The following PALM2AKAP2 variants were observed in gnomAD, a reference collection of about 807,000 sequenced individuals.
PALM2AKAP2 encodes PALM2 and AKAP2 fusion.
Under a neutral mutation model 71.5 loss-of-function variants are expected in PALM2AKAP2, and 37 were observed. The ratio of observed to expected loss-of-function variants is 0.52; its 90% CI spans 0.40 to 0.68. The LOEUF is 0.68. PALM2AKAP2 is among the 30% of genes least tolerant of loss of function. The pLI, the probability that PALM2AKAP2 is intolerant of heterozygous loss-of-function variation, is 0.00. For synonymous variants in PALM2AKAP2, 468 were observed against 478.8 expected (o/e 0.98, Z 0.29); for missense variants, 1,224 against 1,191.8 (o/e 1.03, Z -0.40).
At chr9:110,028,614 T>G (rs1275325984) in intron 7 of PALM2AKAP2, among the ~76,000 whole-genome samples, 1 of 152,200 alleles carries the variant, frequency 6.6e-6, no homozygotes, top group Non-Finnish European at 1.5e-5. Flanking sequence ...GGAAGGACAC[T>G]TTGTAGCCTC....
At chr9:109,767,213 T>C (rs1448135637) in intron 1 of PALM2AKAP2, among the ~76,000 whole-genome samples, 1 of 152,170 alleles carries the variant, frequency 6.6e-6, no homozygotes, top group Non-Finnish European at 1.5e-5. Context: ...TGGCCCCTCC[T>C]CAGCTGACTT....
intron 1 of PALM2AKAP2, among the ~76,000 whole-genome samples, chr9:110,116,458 G>C (rs531168872): frequency 1.3e-5 from 2 of 152,108 alleles, no homozygotes; most frequent in Non-Finnish European, 2.9e-5. Flanking sequence ...TTACTAGATT[G>C]ACTCTCCTGT....
intron 7 of PALM2AKAP2, among the ~76,000 whole-genome samples, chr9:110,039,059 T>G (rs945057982): frequency 4.6e-5 from 7 of 151,740 alleles, no homozygotes; most frequent in African/African-American, 1.7e-4. Context: ...GACCAGCCTG[T>G]GCAACATGGG....
chr9:109,923,889 G>A (rs1830892592), intron 4 of PALM2AKAP2, 40 bp downstream of exon 4: 11 of 1,516,136 alleles, frequency 7.3e-6, no homozygotes, highest in Non-Finnish European at 9.7e-6. Context: ...TTATTTCCAT[G>A]GGGAAGTAGG....
rs375770070 is a variant in PALM2AKAP2, at chr9:109,789,051, C to T, written c.45+8518C>T. On this transcript the variant is annotated intron_variant, in intron 1 of 9. Coordinates refer to the PALM2AKAP2 transcript ENST00000302798. ...ATATCTGTTGGTTACTTGACAACACCGGTTTGGAAGGTTTGCCCAGGATTG... is the reference window on the plus strand; with the variant it reads ...ATATCTGTTGGTTACTTGACAACACTGGTTTGGAAGGTTTGCCCAGGATTG... Among the ~76,000 whole-genome samples the T allele has an allele frequency of 6.9e-4, 105 of 152,224 alleles. 1 individual carries two copies. In the South Asian group the frequency reaches 0.021, roughly 30 times the overall value.
intron 3 of PALM2AKAP2, among the ~76,000 whole-genome samples, chr9:109,905,725 T>C (rs934757736): frequency 6.6e-6 from 1 of 152,240 alleles, no homozygotes; most frequent in African/African-American, 2.4e-5. Context: ...AGGCTGTCCT[T>C]GGACTTCAGA....
intron 2 of PALM2AKAP2, among the ~76,000 whole-genome samples, chr9:109,875,012 T>C (rs1829688874): frequency 6.6e-6 from 1 of 152,230 alleles, no homozygotes; most frequent in African/African-American, 2.4e-5. Flanking sequence ...TTCTTCCTAT[T>C]GGGCTTAGAA....
intron 6 of PALM2AKAP2, among the ~76,000 whole-genome samples, chr9:110,014,723 A>C (rs1832941002): frequency 6.9e-6 from 1 of 145,300 alleles, no homozygotes; most frequent in South Asian, 2.2e-4. Context: ...CACTGAGCCA[A>C]GATTGCACCA....
At chr9:109,941,610 C>G (rs150587277) in intron 6 of PALM2AKAP2, among the ~76,000 whole-genome samples, 1 of 152,300 alleles carries the variant, frequency 6.6e-6, no homozygotes, top group East Asian at 1.9e-4. Context: ...GTGGCACATC[C>G]AGATAAAGGG....
chr9:110,078,250 G>C (rs993441726), intron 1 of PALM2AKAP2, among the ~76,000 whole-genome samples: 31 of 152,106 alleles, frequency 2.0e-4, no homozygotes, highest in African/African-American at 7.2e-4. Context: ...ATTCTGGCAG[G>C]GGGCACATGC....
chr9:109,717,421 C>T (rs980355066), intron 1 of PALM2AKAP2, among the ~76,000 whole-genome samples: 2 of 152,242 alleles, frequency 1.3e-5, no homozygotes, highest in Non-Finnish European at 2.9e-5. Context: ...AGAGGAACAG[C>T]TCCCAAATCA....
intron 1 of PALM2AKAP2, among the ~76,000 whole-genome samples, chr9:110,122,417 C>G (rs902583438): frequency 2.6e-5 from 4 of 152,218 alleles, no homozygotes; most frequent in African/African-American, 7.2e-5. Context: ...CTTCTATGAG[C>G]ACTGCTGCAT....
chr9:109,650,452 T>C (rs1049256230), intron 1 of PALM2AKAP2, among the ~76,000 whole-genome samples: 1 of 152,196 alleles, frequency 6.6e-6, no homozygotes, highest in Non-Finnish European at 1.5e-5. Context: ...AGACTTGCTC[T>C]GTCACCTAGG....
intron 1 of PALM2AKAP2, among the ~76,000 whole-genome samples, chr9:109,786,368 G>A (rs1182871492): frequency 1.3e-5 from 2 of 152,230 alleles, no homozygotes; most frequent in African/African-American, 4.8e-5. Flanking sequence ...TGTGATTCAT[G>A]TGGGGACCAT....
intron 1 of PALM2AKAP2, among the ~76,000 whole-genome samples, chr9:109,852,851 G>A (rs1259062227): frequency 1.3e-5 from 2 of 152,086 alleles, no homozygotes; most frequent in Non-Finnish European, 2.9e-5. Context: ...GTCTGTTCAT[G>A]TCCCTTGCTC....
At chr9:109,844,318 C>T (rs2131598865) in intron 1 of PALM2AKAP2, among the ~76,000 whole-genome samples, 1 of 152,134 alleles carries the variant, frequency 6.6e-6, no homozygotes, top group African/African-American at 2.4e-5. Context: ...GGTCTGACAG[C>T]TATGTAAGGA....
At chr9:110,108,077 A>AT (rs34788989) in intron 1 of PALM2AKAP2, among the ~76,000 whole-genome samples, 28,590 of 121,880 alleles carry the variant, frequency 0.23, 3,054 homozygotes, top group African/African-American at 0.31. Flanking sequence ...TTTTGCTGTT[A>AT]TTTTTTTTTT....
chr9:109,724,011 G>A (rs971496502), intron 1 of PALM2AKAP2, among the ~76,000 whole-genome samples: 5 of 152,136 alleles, frequency 3.3e-5, no homozygotes, highest in African/African-American at 7.2e-5. Flanking sequence ...TAGGTCATAC[G>A]TTCATTTCAG....
chr9:110,104,411 T>C (rs1835068558), intron 1 of PALM2AKAP2, among the ~76,000 whole-genome samples: 1 of 152,160 alleles, frequency 6.6e-6, no homozygotes, highest in Non-Finnish European at 1.5e-5. Context: ...CAATACATAC[T>C]CATGGTAAAA....
Sources: allele counts gnomAD v4.1 joint callset (sites outside exome capture counted in the v4.1 genomes callset), GRCh38; gene constraint gnomAD v4.1.1; transcripts MANE v1.5; gene names NCBI Gene and HGNC (gene_info 2026-07-23, HGNC 2026-07-21).